The following NRXN3 variants were observed in gnomAD, a reference collection of about 807,000 sequenced individuals.
NRXN3 encodes the protein neurexin III.
A neutral mutation model predicts 137.6 loss-of-function variants in NRXN3; 32 were observed. The observed-to-expected ratio is 0.23, with a 90% CI of 0.18 to 0.31. The LOEUF (loss-of-function observed/expected upper bound fraction) is 0.31. Ranked by LOEUF, NRXN3 falls within the 10% of genes least tolerant of loss-of-function variation. The pLI is 1.00. For synonymous variants in NRXN3, 798 were observed against 784.5 expected (o/e 1.02, Z -0.29); for missense variants, 1,574 against 2,062.5 (o/e 0.76, Z 4.59).
intron 15 of NRXN3, among the ~76,000 whole-genome samples, chr14:79,057,136 G>A (rs947446703): frequency 2.0e-5 from 3 of 152,188 alleles, no homozygotes; most frequent in Admixed American, 6.5e-5. Context: ...TATTTGGTAT[G>A]TAAACTTTTC....
chr14:79,770,931 G>A (rs972486195), intron 19 of NRXN3, among the ~76,000 whole-genome samples: 11 of 152,080 alleles, frequency 7.2e-5, no homozygotes, highest in Non-Finnish European at 1.6e-4. Flanking sequence ...AATAAAAAAT[G>A]ATAAAGAAGA....
intron 19 of NRXN3, among the ~76,000 whole-genome samples, chr14:79,779,479 CTT>C (rs1310666271): frequency 6.6e-6 from 1 of 152,134 alleles, no homozygotes; most frequent in African/African-American, 2.4e-5. Context: ...CTGTTGTAGT[CTT>C]TACCTTGTCT....
intron 15 of NRXN3, among the ~76,000 whole-genome samples, chr14:79,144,683 C>T (rs965605678): frequency 6.6e-6 from 1 of 152,130 alleles, no homozygotes; most frequent in African/African-American, 2.4e-5. Flanking sequence ...ATCTTGGAAG[C>T]GTAACATTTT....
chr14:78,362,532 C>A (rs2085285750), intron 4 of NRXN3, among the ~76,000 whole-genome samples: 1 of 152,116 alleles, frequency 6.6e-6, no homozygotes, highest in African/African-American at 2.4e-5. Flanking sequence ...CAGACACAAC[C>A]TGTTCTTAAC....
intron 20 of NRXN3, among the ~76,000 whole-genome samples, chr14:79,831,692 G>A (rs6574525): frequency 0.91 from 138,519 of 152,148 alleles, 63,092 homozygotes; most frequent in East Asian, 1. Flanking sequence ...GAGAGACTAA[G>A]AACTGATCAT....
chr14:78,635,323 AAT>A (rs1365068840), intron 4 of NRXN3, among the ~76,000 whole-genome samples: 3 of 152,196 alleles, frequency 2.0e-5, no homozygotes, highest in African/African-American at 7.2e-5. Context: ...ATTGCTTTGA[AAT>A]ATCTAAATAT....
chr14:79,661,047 A>C (rs1159585565), intron 16 of NRXN3, among the ~76,000 whole-genome samples: 1 of 151,986 alleles, frequency 6.6e-6, no homozygotes, highest in East Asian at 1.9e-4. Context: ...ATTCCTTGAG[A>C]AATAAGAAGA....
Position 78,540,539 on chromosome 14 carries a change from C to T in NRXN3, c.758-104581C>T, listed in dbSNP as rs188544202. ...GCACATGAGATGGGTCTCCTGAATA[C>T]AGCACACTGATGGATCTTGACTCTT... On this transcript the variant is annotated intron_variant, in intron 4 of 20. Transcript: ENST00000335750. 1.7e-4 allele frequency among the ~76,000 whole-genome samples: 26 copies of T among 149,414 alleles called. 1 individual carries two copies. The East Asian group carries it at 5.3e-3, about 31-fold the overall frequency.
chr14:79,054,395 T>C lies in NRXN3; in HGVS notation c.3262+66254T>C, dbSNP rs117485976. Among the ~76,000 whole-genome samples the C allele has an allele frequency of 2.0e-4, 30 of 152,266 alleles. No individual in the cohort carries two copies. The South Asian group carries it at 3.5e-3, about 18-fold the overall frequency. On this transcript the variant is annotated intron_variant, in intron 15 of 20. Coordinates refer to ENST00000335750, the MANE Select transcript of NRXN3 (RefSeq NM_001330195.2). ...CCCTTGGATGAATGGCAAGATTCTG[T>C]GTGTGGTATGAAAGTCTAGAGCTTC...
At chr14:79,811,547 A>AAGTTATT (rs2140848525) in intron 20 of NRXN3, among the ~76,000 whole-genome samples, 1 of 150,630 alleles carries the variant, frequency 6.6e-6, no homozygotes, top group South Asian at 2.1e-4. Flanking sequence ...TTAACCCACC[A>AAGTTATT]AGTTATTTCA....
chr14:79,028,227 T>G (rs2099601810), intron 15 of NRXN3, among the ~76,000 whole-genome samples: 1 of 152,156 alleles, frequency 6.6e-6, no homozygotes, highest in Admixed American at 6.6e-5. Context: ...AGCCTATCTC[T>G]CTTCTTATTT....
chr14:79,528,794 T>C (rs2097144138), intron 16 of NRXN3, among the ~76,000 whole-genome samples: 1 of 152,198 alleles, frequency 6.6e-6, no homozygotes, highest in African/African-American at 2.4e-5. Context: ...GATTTTGTTT[T>C]CTTCTTCAGC....
At chr14:79,808,131 G>A (rs2099215993) in intron 20 of NRXN3, among the ~76,000 whole-genome samples, 1 of 151,630 alleles carries the variant, frequency 6.6e-6, no homozygotes, top group South Asian at 2.1e-4. Context: ...CCAGCTACTC[G>A]GGAGGCTGAG....
At chr14:78,574,043 C>A (rs1180470556) in intron 4 of NRXN3, among the ~76,000 whole-genome samples, 1 of 152,210 alleles carries the variant, frequency 6.6e-6, no homozygotes, top group Non-Finnish European at 1.5e-5. Flanking sequence ...ATGTAGAGCT[C>A]AGGCCATTGC....
intron 19 of NRXN3, among the ~76,000 whole-genome samples, chr14:79,745,758 C>T (rs550512355): frequency 2.1e-5 from 3 of 142,874 alleles, no homozygotes; most frequent in Admixed American, 7.2e-5. Flanking sequence ...CATGCTCCCC[C>T]CTGCAATCTG....
chr14:79,185,655 C>T (rs568868471), intron 15 of NRXN3, among the ~76,000 whole-genome samples: 18 of 151,860 alleles, frequency 1.2e-4, no homozygotes, highest in South Asian at 2.1e-4. Flanking sequence ...TTAGTAGAGA[C>T]AGGGTTTCAC....
intron 15 of NRXN3, among the ~76,000 whole-genome samples, chr14:79,055,680 T>C (rs2099658965): frequency 6.6e-6 from 1 of 152,182 alleles, no homozygotes; most frequent in Non-Finnish European, 1.5e-5. Flanking sequence ...TAAAGGATGC[T>C]GTGGGAATAA....
intron 8 of NRXN3, among the ~76,000 whole-genome samples, chr14:78,772,510 C>A (rs1567267956): frequency 6.6e-6 from 1 of 152,124 alleles, no homozygotes; most frequent in East Asian, 1.9e-4. Flanking sequence ...CAACTATCTG[C>A]TAATAAGTGT....
chr14:78,767,722 C>T (rs907034332), intron 8 of NRXN3, among the ~76,000 whole-genome samples: 16 of 152,128 alleles, frequency 1.1e-4, no homozygotes, highest in Non-Finnish European at 7.3e-5. Context: ...CACTTAGTCT[C>T]GGAATGCTTT....
Sources: allele counts gnomAD v4.1 joint callset (sites outside exome capture counted in the v4.1 genomes callset), GRCh38; gene constraint gnomAD v4.1.1; transcripts MANE v1.5; gene names NCBI Gene and HGNC (gene_info 2026-07-23, HGNC 2026-07-21).